ANK2: variants seen among roughly 807,000 people sequenced by gnomAD.
The protein encoded by ANK2 is ankyrin-2.
ANK2 carries 83 observed loss-of-function variants against 360.5 expected under a neutral mutation model. That is an observed-to-expected ratio of 0.23 (90% CI 0.19 to 0.28). The LOEUF (loss-of-function observed/expected upper bound fraction) is 0.28, where lower values mean the gene tolerates loss of function less well. ANK2 is among the 10% of genes least tolerant of loss of function. The pLI is 1.00. For missense variants in ANK2, 4,201 were observed against 4,795.7 expected (o/e 0.88, Z 3.66); for synonymous variants, 1,740 against 1,759.5 (o/e 0.99, Z 0.28).
chr4:113,260,228 G>C (rs1040814408), intron 13 of ANK2, among the ~76,000 whole-genome samples: 2 of 152,012 alleles, frequency 1.3e-5, no homozygotes, highest in African/African-American at 4.8e-5. Flanking sequence ...GGTGGTTATG[G>C]AGTTATAATA....
At chr4:113,184,179 A>G (rs1410289637) in intron 2 of ANK2, among the ~76,000 whole-genome samples, 6 of 151,558 alleles carry the variant, frequency 4.0e-5, no homozygotes, top group Admixed American at 3.9e-4. Flanking sequence ...AGTATTTGCT[A>G]ATGACTACAC....
At chr4:113,205,092 T>G (rs557536975) in intron 4 of ANK2, among the ~76,000 whole-genome samples, 8 of 151,690 alleles carry the variant, frequency 5.3e-5, no homozygotes, top group Non-Finnish European at 1.5e-5. Context: ...AAAAATTAGC[T>G]GGGCGTAGTG....
chr4:113,125,994 A>C (rs2095641037), intron 1 of ANK2, among the ~76,000 whole-genome samples: 1 of 152,212 alleles, frequency 6.6e-6, no homozygotes, highest in Non-Finnish European at 1.5e-5. Flanking sequence ...GGAAGTTATT[A>C]AGACTGGGTA....
At chr4:113,145,918 G>A (rs1434520737) in intron 1 of ANK2, 3 of 1,289,706 alleles carry the variant, frequency 2.3e-6, no homozygotes, top group South Asian at 1.2e-5. Flanking sequence ...AAGAGCATAA[G>A]AGCACAAGGA....
At chr4:113,349,625 A>G (rs1473023902) in intron 36 of ANK2, among the ~76,000 whole-genome samples, 1 of 152,078 alleles carries the variant, frequency 6.6e-6, no homozygotes, top group Non-Finnish European at 1.5e-5. Context: ...CACATACTCC[A>G]TTTCCTTCCT....
intron 1 of ANK2, among the ~76,000 whole-genome samples, chr4:113,135,948 T>C (rs1283579065): frequency 6.6e-6 from 1 of 152,236 alleles, no homozygotes; most frequent in Admixed American, 6.5e-5. Context: ...AAAGCATTTC[T>C]GTGAGTACAT....
chr4:113,350,732 C>T, intron 37 of ANK2: 1 of 155,484 alleles, frequency 6.4e-6, no homozygotes, highest in Non-Finnish European at 1.4e-5. Flanking sequence ...CCAATGCCTG[C>T]CCCCTCCCCC....
chr4:112,792,348 A>G, the ANK2 span, among the ~76,000 whole-genome samples: 1 of 152,118 alleles, frequency 6.6e-6, no homozygotes, highest in Non-Finnish European at 1.5e-5. Context: ...GCGACAACAC[A>G]TCCTTATATT....
At chr4:112,890,602 TTATTG>T (rs1199169845) in intron 1 of ANK2, among the ~76,000 whole-genome samples, 7 of 140,050 alleles carry the variant, frequency 5.0e-5, no homozygotes, top group Middle Eastern at 3.5e-3. Context: ...AGTTTCGCTC[TTATTG>T]CCCAGGCTGG....
chr4:113,315,896 C>CA (rs70961811), intron 24 of ANK2, among the ~76,000 whole-genome samples: 1,150 of 48,532 alleles, frequency 0.024, 22 homozygotes, highest in East Asian at 0.044. Context: ...GACTCCGTCT[C>CA]AAAAAAAAAA....
intron 2 of ANK2, among the ~76,000 whole-genome samples, chr4:112,956,106 C>T (rs1166282210): frequency 6.6e-6 from 1 of 152,186 alleles, no homozygotes; most frequent in East Asian, 1.9e-4. Context: ...TAGTACCAAC[C>T]AATTGCCATC....
chr4:112,710,517 G>A, the ANK2 span, among the ~76,000 whole-genome samples: 1 of 152,058 alleles, frequency 6.6e-6, no homozygotes, highest in East Asian at 1.9e-4. Context: ...CCAACATGGT[G>A]AAACCTCATC....
At chr4:113,142,847 C>T (rs2096685732) in intron 1 of ANK2, among the ~76,000 whole-genome samples, 1 of 152,056 alleles carries the variant, frequency 6.6e-6, no homozygotes, top group Admixed American at 6.6e-5. Flanking sequence ...TCGTTCTTAA[C>T]AAAGCACTGT....
At chr4:113,152,767 G>A (rs2097143220) in intron 1 of ANK2, among the ~76,000 whole-genome samples, 1 of 151,966 alleles carries the variant, frequency 6.6e-6, no homozygotes, top group Non-Finnish European at 1.5e-5. Flanking sequence ...TAAGTTTGAT[G>A]GTGTGCACCT....
chr4:112,707,002 C>T, the ANK2 span, among the ~76,000 whole-genome samples: 3 of 152,206 alleles, frequency 2.0e-5, no homozygotes, highest in Admixed American at 2.0e-4. Flanking sequence ...ATAGCACCAG[C>T]ACCTTAGGTT....
At chr4:112,850,204 T>C (rs184557192) in intron 1 of ANK2, among the ~76,000 whole-genome samples, 30 of 151,896 alleles carry the variant, frequency 2.0e-4, no homozygotes, top group Non-Finnish European at 3.5e-4. Flanking sequence ...ATGGTGGGAC[T>C]TCTCGAACTC....
At chr4:113,198,950 AT>A (rs1181349083) in intron 3 of ANK2, 60 bp from the exon 4 acceptor site, 3 of 1,416,706 alleles carry the variant, frequency 2.1e-6, no homozygotes, top group Non-Finnish European at 3.0e-6. Context: ...ATGCCTGCAC[AT>A]TTTGATTTCT....
chr4:113,009,904 C>T (rs1024688561), intron 2 of ANK2, among the ~76,000 whole-genome samples: 10 of 142,900 alleles, frequency 7.0e-5, no homozygotes, highest in Non-Finnish European at 1.5e-4. Context: ...TCTATGTTTC[C>T]TAAGGCCCCA....
intron 17 of ANK2, among the ~76,000 whole-genome samples, chr4:113,282,152 A>G (rs2062667449): frequency 6.6e-6 from 1 of 152,236 alleles, no homozygotes; most frequent in Non-Finnish European, 1.5e-5. Context: ...TGTTATAACC[A>G]TATGTGAAGT....
Sources: allele counts gnomAD v4.1 joint callset (sites outside exome capture counted in the v4.1 genomes callset), GRCh38; gene constraint gnomAD v4.1.1; transcripts MANE v1.5; gene names NCBI Gene and HGNC (gene_info 2026-07-23, HGNC 2026-07-21).